Variants in ACSF2 observed in about 807,000 individuals in gnomAD.
ACSF2 encodes the protein acyl-CoA synthetase family member 2, also known as medium-chain acyl-CoA ligase ACSF2, mitochondrial.
In ACSF2, 52 loss-of-function variants were observed where a neutral mutation model predicts 79.3. That is an observed-to-expected ratio of 0.66 (90% confidence interval 0.53 to 0.83). The LOEUF (loss-of-function observed/expected upper bound fraction) is 0.83. ACSF2 is among the 40% of genes least tolerant of loss of function. The pLI, the probability that ACSF2 is intolerant of heterozygous loss-of-function variation, is 0.00. For missense variants in ACSF2, 661 were observed against 803.3 expected, an observed-to-expected ratio of 0.82 and a Z score of 2.14; for synonymous variants, 283 against 312.6, an observed-to-expected ratio of 0.91 and a Z score of 1.00.
Position 50,474,024 on chromosome 17 carries a change from C to T in ACSF2, c.1728+20C>T, listed in dbSNP as rs751544017. ...GGGAAGGTGGGAGCCTCCGCTCAAC[C>T]TAGCTGATGCTGCTCTGTTCTTTGC... On this transcript the variant is annotated intron_variant, in intron 14 of 15. Coordinates refer to ENST00000300441, the MANE Select transcript of ACSF2 (RefSeq NM_025149.6). The surrounding 1 kb of genome is among the most constrained non-coding windows in gnomAD (Gnocchi z 4.2). The T allele has an allele frequency of 3.3e-6, 5 of 1,529,014 alleles. No homozygotes were observed. The East Asian group carries it at 6.9e-5, about 21-fold the overall frequency. 94.7% of individuals were successfully genotyped at this position (1,529,014 alleles called of 1,614,324 possible).
At chr17:50,434,498 C>A (rs1385656734) in intron 1 of ACSF2, among the ~76,000 whole-genome samples, 1 of 151,744 alleles carries the variant, frequency 6.6e-6, no homozygotes, top group African/African-American at 2.4e-5. Flanking sequence ...ACCAGCCTGG[C>A]CAACATGACG....
intron 1 of ACSF2, among the ~76,000 whole-genome samples, chr17:50,452,761 G>T (rs192880998): frequency 9.9e-5 from 15 of 152,282 alleles, no homozygotes; most frequent in Admixed American, 2.0e-4. Flanking sequence ...CAAGGAAGGA[G>T]AATTGGTTTG....
chr17:50,433,908 A>G (rs112572345), intron 1 of ACSF2, among the ~76,000 whole-genome samples: 84 of 151,512 alleles, frequency 5.5e-4, no homozygotes, highest in Non-Finnish European at 8.0e-4. Context: ...TACAGGTGTG[A>G]CCCACCGCAC....
intron 1 of ACSF2, among the ~76,000 whole-genome samples, chr17:50,458,017 T>C (rs2032114360): frequency 1.3e-5 from 2 of 152,188 alleles, no homozygotes; most frequent in African/African-American, 4.8e-5. Context: ...TTGCATTCTT[T>C]GTGAGATCCT....
At chr17:50,445,051 A>C (rs2031208106) in intron 1 of ACSF2, among the ~76,000 whole-genome samples, 1 of 151,954 alleles carries the variant, frequency 6.6e-6, no homozygotes, top group Admixed American at 6.6e-5. Flanking sequence ...AATAGTTGAG[A>C]CCACAGGTGC....
chr17:50,429,007 T>C (rs77838835), intron 1 of ACSF2, among the ~76,000 whole-genome samples: 6,286 of 152,344 alleles, frequency 0.041, 175 homozygotes, highest in South Asian at 0.065. Context: ...GCTTGGACTT[T>C]CGTCCTCTGT....
chr17:50,435,365 T>TC lies in ACSF2; in HGVS notation c.128+8977dup, dbSNP rs1387113240. Reference sequence around the variant, plus strand: ...TTTTTCCCCACTTTGTAGCTTTTTTTCATCCTCTTAAAAGGGTCTTTTGCA... The same window carrying TC: ...TTTTTCCCCACTTTGTAGCTTTTTTTCCATCCTCTTAAAAGGGTCTTTTGCA... On this transcript the variant is annotated intron_variant, in intron 1 of 15. Transcript: ENST00000300441. 4.6e-5 allele frequency among the ~76,000 whole-genome samples: 7 copies of TC among 152,130 alleles called. No homozygotes were observed. In the South Asian group the frequency reaches 1.0e-3, roughly 23 times the overall value.
intron 1 of ACSF2, 90 bp from the exon 2 acceptor site, chr17:50,460,587 C>A: frequency 8.2e-7 from 1 of 1,220,898 alleles, no homozygotes; most frequent in Non-Finnish European, 1.1e-6. Flanking sequence ...TTGTCAGCAG[C>A]CTACCCCCTG....
intron 4 of ACSF2, 103 bp downstream of exon 4, chr17:50,461,789 G>A: frequency 1.4e-6 from 2 of 1,425,722 alleles, no homozygotes; most frequent in Non-Finnish European, 2.0e-6. Flanking sequence ...GGCATGCATA[G>A]GCGGGTGATA....
At chr17:50,470,091 T>A (rs992200682) in intron 10 of ACSF2, 1 of 152,658 alleles carries the variant, frequency 6.6e-6, no homozygotes, top group African/African-American at 2.4e-5. Flanking sequence ...ACCCCAGCCG[T>A]GCCAGAGCCA....
At chr17:50,464,005 T>A in intron 9 of ACSF2, 96 bp downstream of exon 9, 1 of 813,800 alleles carries the variant, frequency 1.2e-6, no homozygotes, top group Non-Finnish European at 1.8e-6. Context: ...GTCTTTTATA[T>A]AGGGGGCAAG....
chr17:50,458,598 C>A (rs2032154992), intron 1 of ACSF2, among the ~76,000 whole-genome samples: 2 of 152,210 alleles, frequency 1.3e-5, no homozygotes, highest in Non-Finnish European at 2.9e-5. Flanking sequence ...TTCATCATTA[C>A]CAAGGTTGAC....
At chr17:50,443,790 C>G (rs2031108523) in intron 1 of ACSF2, among the ~76,000 whole-genome samples, 1 of 152,174 alleles carries the variant, frequency 6.6e-6, no homozygotes, top group African/African-American at 2.4e-5. Context: ...ATCAATAACT[C>G]CTGTTTTTAT....
Position 50,463,266 on chromosome 17 carries a change from G to A in ACSF2, c.888+15G>A. ...TGCATGAGAAGGTGAGGCGGCACTA[G>A]GCCCAGGGCAAGGCTGCAGGAGGGG... On this transcript the variant is annotated intron_variant, in intron 7 of 15. Coordinates refer to ENST00000300441, the MANE Select transcript of ACSF2 (RefSeq NM_025149.6). The surrounding 1 kb of genome is among the most constrained non-coding windows in gnomAD (Gnocchi z 4.6). 1 of 1,613,976 alleles carries A rather than the reference G, an allele frequency of 6.2e-7. No individual in the cohort carries two copies. The highest frequency in any genetic ancestry group is 1.6e-4 in the Middle Eastern group (1 of 6,062).
intron 1 of ACSF2, among the ~76,000 whole-genome samples, chr17:50,449,516 T>A (rs1225594662): frequency 5.3e-5 from 8 of 151,708 alleles, no homozygotes; most frequent in African/African-American, 1.7e-4. Context: ...GCCATTCTCC[T>A]GCCTCAGCCT....
rs1449760218 is a variant in ACSF2 at position 50,446,253 on chromosome 17, T to C, written c.129-14424T>C. On this transcript the variant is annotated intron_variant, in intron 1 of 15. Coordinates refer to ENST00000300441, the MANE Select transcript of ACSF2 (RefSeq NM_025149.6). ...TGGCAGTAGCTTAAGCCCTAGAAGG[T>C]TTTTTTTTTTAAAACTTCGTGTTGA... 6.1e-5 allele frequency among the ~76,000 whole-genome samples: 9 copies of C among 147,018 alleles called. No homozygotes were observed. The East Asian group carries it at 1.8e-3, about 29-fold the overall frequency.
At chr17:50,432,508 T>C (rs1237172070) in intron 1 of ACSF2, among the ~76,000 whole-genome samples, 1 of 152,184 alleles carries the variant, frequency 6.6e-6, no homozygotes, top group African/African-American at 2.4e-5. Context: ...AGGCCTGAGC[T>C]TATGCTGAAG....
chr17:50,427,095 T>C, intron 1 of ACSF2: 2 of 1,098,730 alleles, frequency 1.8e-6, no homozygotes, highest in South Asian at 3.0e-5. Context: ...TCAGGGCTGT[T>C]AGCTTCAGCA....
chr17:50,472,685 A>C, intron 12 of ACSF2, 106 bp downstream of exon 12: 2 of 1,341,298 alleles, frequency 1.5e-6, no homozygotes, highest in Non-Finnish European at 1.0e-6. Context: ...GTGGGTATCA[A>C]GATGACCCCT....
Sources: allele counts gnomAD v4.1 joint callset (sites outside exome capture counted in the v4.1 genomes callset), GRCh38; gene constraint gnomAD v4.1.1; non-coding constraint Gnocchi (gnomAD v3.1); transcripts MANE v1.5; gene names NCBI Gene and HGNC (gene_info 2026-07-23, HGNC 2026-07-21).